Variants in ANXA8 observed in about 807,000 individuals in gnomAD.
ANXA8 encodes the protein VAC-beta.
ANXA8 carries 9 observed loss-of-function variants against 26.8 expected under a neutral mutation model. The observed-to-expected ratio is 0.34, with a 90% CI of 0.20 to 0.59. The LOEUF (loss-of-function observed/expected upper bound fraction) is 0.59, where lower values mean the gene tolerates loss of function less well. Ranked by LOEUF, ANXA8 falls within the 20% of genes least tolerant of loss-of-function variation. The pLI, the probability that ANXA8 is intolerant of heterozygous loss-of-function variation, is 0.84. For missense variants in ANXA8, 83 were observed against 238.5 expected (o/e 0.35, Z 4.29); for synonymous variants, 39 against 94.8 (o/e 0.41, Z 3.42).
chr10:47,699,565 G>T, the ANXA8 span, among the ~76,000 whole-genome samples: 1 of 151,298 alleles, frequency 6.6e-6, no homozygotes. Context: ...AGTGGTTTGC[G>T]TCTGTAATTC....
At chr10:47,556,725 A>G in the ANXA8 span, among the ~76,000 whole-genome samples, 1 of 151,684 alleles carries the variant, frequency 6.6e-6, no homozygotes, top group African/African-American at 2.4e-5. Flanking sequence ...TTGTATTTCA[A>G]TTTTGACAGA....
the ANXA8 span, chr10:47,753,186 T>C: frequency 7.4e-6 from 7 of 946,386 alleles, 1 homozygote; most frequent in South Asian, 2.5e-4. Flanking sequence ...CTGTTCTAGT[T>C]ACACAAAACA....
the ANXA8 span, chr10:47,715,721 A>G: frequency 6.9e-7 from 1 of 1,448,230 alleles, no homozygotes; most frequent in Non-Finnish European, 9.5e-7. Context: ...AATTGCATAC[A>G]ACGCCTTGGT....
At chr10:47,682,471 T>TC in the ANXA8 span, among the ~76,000 whole-genome samples, 1 of 138,354 alleles carries the variant, frequency 7.2e-6, no homozygotes, top group African/African-American at 2.8e-5. Flanking sequence ...TTCTTTTTCT[T>TC]TTTTTTTTTT....
the ANXA8 span, among the ~76,000 whole-genome samples, chr10:47,974,268 A>G: frequency 1.8e-4 from 27 of 147,722 alleles, 1 homozygote; most frequent in African/African-American, 5.6e-4. Flanking sequence ...CATTTCTGAC[A>G]GTACTTATTT....
At chr10:47,502,225 C>T in the ANXA8 span, 2 of 1,574,144 alleles carry the variant, frequency 1.3e-6, no homozygotes, top group Non-Finnish European at 1.7e-6. Flanking sequence ...GACCACATTC[C>T]CCTTGCGGCA....
chr10:47,539,730 TA>T, the ANXA8 span, among the ~76,000 whole-genome samples: 1 of 90,388 alleles, frequency 1.1e-5, no homozygotes, highest in Non-Finnish European at 2.0e-5. Flanking sequence ...ATAAGTACAG[TA>T]CTTTTGGATC....
At chr10:47,716,473 GT>G in the ANXA8 span, among the ~76,000 whole-genome samples, 1 of 125,210 alleles carries the variant, frequency 8.0e-6, no homozygotes, top group African/African-American at 3.5e-5. Flanking sequence ...ACATATATGT[GT>G]AAATATGTTT....
the ANXA8 span, among the ~76,000 whole-genome samples, chr10:47,689,006 AG>A: frequency 1.7e-5 from 2 of 114,434 alleles, no homozygotes; most frequent in Non-Finnish European, 3.7e-5. Flanking sequence ...CCAGCTAATC[AG>A]GGGGCTGAAG....
At chr10:47,657,623 C>G in the ANXA8 span, among the ~76,000 whole-genome samples, 1 of 150,862 alleles carries the variant, frequency 6.6e-6, no homozygotes, top group African/African-American at 2.5e-5. Context: ...GGAAAGTTCT[C>G]AATGTTAATT....
the ANXA8 span, among the ~76,000 whole-genome samples, chr10:47,605,252 CT>C: frequency 8.9e-6 from 1 of 112,770 alleles, no homozygotes; most frequent in Non-Finnish European, 1.7e-5. Flanking sequence ...CAATATCTTT[CT>C]AGTGAATTGA....
At chr10:47,646,383 C>T in the ANXA8 span, among the ~76,000 whole-genome samples, 2 of 142,848 alleles carry the variant, frequency 1.4e-5, no homozygotes, top group Non-Finnish European at 3.0e-5. Context: ...AGCAAGCAAA[C>T]TAAATGTAGA....
the ANXA8 span, among the ~76,000 whole-genome samples, chr10:47,556,707 C>A: frequency 5.9e-5 from 9 of 151,678 alleles, 1 homozygote; most frequent in East Asian, 1.9e-4. Context: ...GAGTCTTCAG[C>A]TTTCTTTTTG....
At chr10:47,688,975 A>C in the ANXA8 span, among the ~76,000 whole-genome samples, 1 of 116,170 alleles carries the variant, frequency 8.6e-6, no homozygotes, top group Non-Finnish European at 1.8e-5. Flanking sequence ...TTAGCCGGGC[A>C]TGGTGGCACA....
chr10:47,687,095 C>A, the ANXA8 span, among the ~76,000 whole-genome samples: 2 of 145,676 alleles, frequency 1.4e-5, no homozygotes, highest in Admixed American at 1.4e-4. Context: ...GAGAGAGAGA[C>A]CCTAACTCAA....
chr10:47,687,184 C>T, the ANXA8 span, among the ~76,000 whole-genome samples: 3 of 151,180 alleles, frequency 2.0e-5, no homozygotes, highest in Non-Finnish European at 4.4e-5. Context: ...AGAAGAAAGC[C>T]AAAGATCTGA....
the ANXA8 span, among the ~76,000 whole-genome samples, chr10:47,493,565 C>G: frequency 6.7e-6 from 1 of 150,096 alleles, no homozygotes; most frequent in Non-Finnish European, 1.5e-5. Context: ...ACCCCACAGA[C>G]CCCCTCCTCA....
chr10:47,905,827 A>G, the ANXA8 span, among the ~76,000 whole-genome samples: 1 of 137,438 alleles, frequency 7.3e-6, no homozygotes, highest in African/African-American at 3.0e-5. Flanking sequence ...TAGAGCAATC[A>G]ATTTTGAGCT....
the ANXA8 span, among the ~76,000 whole-genome samples, chr10:47,597,676 A>AAG: frequency 3.6e-5 from 5 of 139,156 alleles, no homozygotes; most frequent in Admixed American, 2.1e-4. Flanking sequence ...AAAAAAAAAA[A>AAG]AAAGAAATAC....
Sources: gnomAD v4.1 joint callset for allele counts (sites outside exome capture counted in the v4.1 genomes callset) on GRCh38, gnomAD v4.1.1 for gene constraint, MANE v1.5 for transcripts, NCBI Gene and HGNC (gene_info 2026-07-23, HGNC 2026-07-21) for gene names.